The following TRIM55 variants were observed in gnomAD, a reference collection of about 807,000 sequenced individuals.
The protein encoded by TRIM55 is tripartite motif containing 55, also known as tripartite motif-containing protein 55.
In TRIM55, 50 loss-of-function variants were observed where a neutral mutation model predicts 60.9. The observed-to-expected ratio is 0.82, with a 90% CI of 0.65 to 1.04. TRIM55 has a LOEUF of 1.04. TRIM55 is among the 50% of genes least tolerant of loss of function. The pLI, the probability that TRIM55 is intolerant of heterozygous loss-of-function variation, is 0.00. For missense variants in TRIM55, 681 were observed against 666.9 expected (o/e 1.02, Z -0.23); for synonymous variants, 237 against 238.1 (o/e 1.00, Z 0.04).
In TRIM55 at chr8:66,128,459, C is replaced by T; in HGVS notation, c.324C>T (p.Tyr108=). 1.2e-6 allele frequency: 2 copies of T among 1,613,194 alleles called. No individual in the cohort carries two copies. Among genetic ancestry groups the T allele is most frequent in the Non-Finnish European group, 1.7e-6 (2 of 1,179,628 alleles). Residue 108 remains tyrosine (Y), a synonymous_variant, in exon 2 of 10, where the codon TAC becomes TAT. Coordinates refer to ENST00000315962, the MANE Select transcript of TRIM55 (RefSeq NM_184085.2). ...NLLVENIIDI[Y]KQESTRPEKK... is the part of the protein sequence containing the mutation. The stretch of plus-strand genomic sequence containing the variant: ...TGGTGGAAAATATCATTGACATCTA[C>T]AAGCAGGAGTCCACCAGGTAACACT...
chr8:66,136,241 T>A (rs982851013), intron 3 of TRIM55, among the ~76,000 whole-genome samples: 14 of 152,160 alleles, frequency 9.2e-5, no homozygotes, highest in African/African-American at 3.4e-4. Flanking sequence ...GAGACTCATG[T>A]GAGATGGACA....
chr8:66,147,566 G>T (rs1810161751), intron 4 of TRIM55, among the ~76,000 whole-genome samples: 1 of 152,070 alleles, frequency 6.6e-6, no homozygotes, highest in African/African-American at 2.4e-5. Context: ...GGAGGCCGAG[G>T]CGGGTGGATC....
chr8:66,137,359 G>C (rs954667203), intron 4 of TRIM55, among the ~76,000 whole-genome samples, 169 bp downstream of exon 4: 1 of 152,192 alleles, frequency 6.6e-6, no homozygotes, highest in Non-Finnish European at 1.5e-5. Flanking sequence ...CACAGAAAGA[G>C]ACATTATCAC....
intron 9 of TRIM55, among the ~76,000 whole-genome samples, chr8:66,169,592 C>T (rs1199160483): frequency 1.3e-5 from 2 of 152,090 alleles, no homozygotes. Context: ...AAAAGCAGGC[C>T]AGGTAACAGA....
At chr8:66,124,332 G>A (rs548756103), upstream of TRIM55, among the ~76,000 whole-genome samples, 4 of 152,298 alleles carry the variant, frequency 2.6e-5, no homozygotes, top group East Asian at 7.7e-4. Context: ...ACTTCCTGCT[G>A]CTTAACTTAT....
intron 4 of TRIM55, among the ~76,000 whole-genome samples, chr8:66,140,600 A>G (rs1210265084): frequency 6.6e-6 from 1 of 152,208 alleles, no homozygotes; most frequent in Non-Finnish European, 1.5e-5. Context: ...CGCTGGGGTG[A>G]TCTCCCAGAG....
intron 9 of TRIM55, among the ~76,000 whole-genome samples, chr8:66,167,799 A>G (rs1811406627): frequency 6.6e-6 from 1 of 152,134 alleles, no homozygotes; most frequent in Non-Finnish European, 1.5e-5. Context: ...TCCAGGCTAG[A>G]ATGCAGTGGT....
At chr8:66,114,228 C>T in the TRIM55 span, among the ~76,000 whole-genome samples, 2 of 152,256 alleles carry the variant, frequency 1.3e-5, no homozygotes, top group East Asian at 1.9e-4. Context: ...GCTTAGCATG[C>T]GAGAGGTAGC....
upstream of TRIM55, among the ~76,000 whole-genome samples, chr8:66,124,539 G>A (rs1248096290): frequency 2.0e-5 from 3 of 152,022 alleles, no homozygotes; most frequent in Non-Finnish European, 1.5e-5. Context: ...TGAGATCCTC[G>A]GTGCAGCAGT....
Position 66,133,783 on chromosome 8 carries a change from G to T in TRIM55, c.342-1207G>T, listed in dbSNP as rs943042678. The stretch of plus-strand genomic sequence containing the variant: ...TTCTCTGCCTTTCTCTGAGTTCTGG[G>T]TCTGCAGCTACAAGATACCACACAT... On this transcript the variant is annotated intron_variant, in intron 2 of 9. Transcript: ENST00000315962. Among the ~76,000 whole-genome samples, 4 of 152,106 alleles carry T rather than the reference G, an allele frequency of 2.6e-5. No homozygotes were observed. The East Asian group carries it at 7.7e-4, about 29-fold the overall frequency.
intron 4 of TRIM55, among the ~76,000 whole-genome samples, chr8:66,139,706 G>T (rs1809693005): frequency 1.3e-5 from 2 of 152,160 alleles, no homozygotes; most frequent in South Asian, 4.1e-4. Context: ...ATCATTCCCT[G>T]CAGGACTTTA....
intron 9 of TRIM55, among the ~76,000 whole-genome samples, chr8:66,157,543 T>A (rs1810812730): frequency 6.6e-6 from 1 of 152,220 alleles, no homozygotes; most frequent in Non-Finnish European, 1.5e-5. Flanking sequence ...CTTGAGTATT[T>A]AGGATGTGGT....
intron 2 of TRIM55, among the ~76,000 whole-genome samples, chr8:66,129,142 T>A (rs573670221): frequency 6.6e-6 from 1 of 152,378 alleles, no homozygotes; most frequent in Non-Finnish European, 1.5e-5. Context: ...ACTTGTTGAT[T>A]GTGAATAACA....
intron 9 of TRIM55, among the ~76,000 whole-genome samples, chr8:66,168,044 C>A (rs1404855208): frequency 1.3e-5 from 2 of 152,188 alleles, no homozygotes; most frequent in South Asian, 4.1e-4. Context: ...GCCATCATGC[C>A]TGGCCAAAAA....
At position 66,158,385 on chromosome 8, in the gene TRIM55, T is replaced by C. The variant is rs139009843; in HGVS notation, c.1524+4051T>C. On this transcript the variant is annotated intron_variant, in intron 9 of 9. Transcript: ENST00000315962. ...TTTCAAAAATATCCATTTTTTACAT[T>C]CTATTCTTCAAGCCTGAAAAATAGA... Among the ~76,000 whole-genome samples the C allele has an allele frequency of 5.1e-4, 77 of 152,318 alleles. No homozygotes were observed. The East Asian group carries it at 9.3e-3, about 18-fold the overall frequency.
At chr8:66,117,204 G>A in the TRIM55 span, among the ~76,000 whole-genome samples, 379 of 152,296 alleles carry the variant, frequency 2.5e-3, 4 homozygotes, top group African/African-American at 8.5e-3. Context: ...TAATATTAAA[G>A]AACAGTGCTT....
At position 66,154,272 on chromosome 8, in the gene TRIM55, G is replaced by T. The variant is rs770146015; in HGVS notation, c.1462G>T (p.Ala488Ser). 1.9e-6 allele frequency: 3 copies of T among 1,614,018 alleles called. No individual in the cohort carries two copies. The highest frequency in any genetic ancestry group is 1.3e-5 in the African/African-American group (1 of 74,918). ...ACGGAAGGCAGAAGTGGCAGCAGCC[G>T]CAGCGAGTGAGAGGGCAGCTGTGAG... ...NVRKAEVAAA[A>S]ASERAAVSGK... is the part of the protein sequence containing the mutation. The change falls in exon 9 of 10, where the codon GCA (alanine) becomes TCA (serine). Residue 488 changes from alanine (A) to serine (S), a missense_variant. Transcript: ENST00000315962.
chr8:66,116,540 G>A, the TRIM55 span, among the ~76,000 whole-genome samples: 1 of 151,268 alleles, frequency 6.6e-6, no homozygotes, highest in East Asian at 1.9e-4. Context: ...CTGAGAGGTC[G>A]AGGCTGCAGT....
chr8:66,114,342 A>G, the TRIM55 span, among the ~76,000 whole-genome samples: 1 of 152,264 alleles, frequency 6.6e-6, no homozygotes, highest in East Asian at 1.9e-4. Context: ...AGTCAGGTGA[A>G]GAGTAGGGCG....
Sources: gnomAD v4.1 joint callset for allele counts (sites outside exome capture counted in the v4.1 genomes callset) on GRCh38, gnomAD v4.1.1 for gene constraint, MANE v1.5 for transcripts, NCBI Gene and HGNC (gene_info 2026-07-23, HGNC 2026-07-21) for gene names.